DAB1: variants seen among roughly 807,000 people sequenced by gnomAD.
DAB1 encodes the protein DAB adaptor protein 1, also known as disabled homolog 1.
A neutral mutation model predicts 64.6 loss-of-function variants in DAB1; 15 were observed. The ratio of observed to expected loss-of-function variants is 0.23; its 90% CI spans 0.16 to 0.36. The LOEUF (loss-of-function observed/expected upper bound fraction) is 0.36. Among genes scored for constraint, DAB1 ranks in the 10% least tolerant of loss-of-function variants. The probability of loss-of-function intolerance (pLI) is 1.00; values close to 1 mark genes in which losing one functional copy is unlikely to be tolerated. For synonymous variants in DAB1, 235 were observed against 251.9 expected, an observed-to-expected ratio of 0.93 and a Z score of 0.64; for missense variants, 596 against 706.7, an observed-to-expected ratio of 0.84 and a Z score of 1.78.
At chr1:57,888,132 G>C (rs888145000), upstream of DAB1, among the ~76,000 whole-genome samples, 1 of 152,096 alleles carries the variant, frequency 6.6e-6, no homozygotes, top group African/African-American at 2.4e-5. Context: ...GATGATTAAT[G>C]CTAATTTGAA....
At chr1:58,515,979 T>C (rs1451036468) in intron 2 of DAB1, among the ~76,000 whole-genome samples, 1 of 152,232 alleles carries the variant, frequency 6.6e-6, no homozygotes, top group African/African-American at 2.4e-5. Flanking sequence ...GCTTATTACC[T>C]AATGCCCTCA....
chr1:57,476,985 C>T (rs1286049341), intron 7 of DAB1, among the ~76,000 whole-genome samples: 1 of 152,168 alleles, frequency 6.6e-6, no homozygotes, highest in Non-Finnish European at 1.5e-5. Flanking sequence ...GTAATAACAG[C>T]CCCAACCTGA....
chr1:57,355,288 C>A (rs1303584293), intron 1 of DAB1, among the ~76,000 whole-genome samples: 2 of 149,388 alleles, frequency 1.3e-5, no homozygotes, highest in Non-Finnish European at 3.0e-5. Context: ...TTTTTTTTTC[C>A]ATCCTTGGTT....
intron 2 of DAB1, among the ~76,000 whole-genome samples, chr1:58,514,773 AGC>A (rs1646134472): frequency 1.3e-5 from 2 of 152,190 alleles, no homozygotes; most frequent in Non-Finnish European, 2.9e-5. Context: ...TTATTTTAGA[AGC>A]AATACTGCAG....
chr1:57,508,545 A>G (rs1295634300), intron 7 of DAB1, among the ~76,000 whole-genome samples: 1 of 152,212 alleles, frequency 6.6e-6, no homozygotes, highest in Non-Finnish European at 1.5e-5. Context: ...CCAGATAAAT[A>G]TGTTAGGCTT....
intron 6 of DAB1, among the ~76,000 whole-genome samples, chr1:57,809,683 G>T (rs755428503): frequency 2.5e-4 from 38 of 152,072 alleles, no homozygotes; most frequent in Non-Finnish European, 4.7e-4. Flanking sequence ...AACACTATGA[G>T]TTGCAGATGG....
At chr1:57,797,649 C>T (rs563143533) in intron 6 of DAB1, among the ~76,000 whole-genome samples, 2 of 152,196 alleles carry the variant, frequency 1.3e-5, no homozygotes, top group Non-Finnish European at 2.9e-5. Context: ...ATTCCTTACA[C>T]GTATAAAAGA....
intron 2 of DAB1, among the ~76,000 whole-genome samples, chr1:57,148,130 C>T (rs895459576): frequency 6.6e-6 from 1 of 152,162 alleles, no homozygotes; most frequent in Non-Finnish European, 1.5e-5. Flanking sequence ...GAAAATGGAA[C>T]AGATTCCAGT....
At chr1:58,331,555 T>C (rs1662968029) in intron 4 of DAB1, among the ~76,000 whole-genome samples, 1 of 152,176 alleles carries the variant, frequency 6.6e-6, no homozygotes, top group African/African-American at 2.4e-5. Context: ...GCAAACTTCA[T>C]TGTTGTCTTG....
At chr1:57,940,181 G>C (rs946825647) in intron 5 of DAB1, among the ~76,000 whole-genome samples, 2 of 152,204 alleles carry the variant, frequency 1.3e-5, no homozygotes, top group African/African-American at 4.8e-5. Flanking sequence ...GTTTCAGTGA[G>C]GGATACAGGT....
chr1:57,487,925 T>C (rs562731375), intron 7 of DAB1, among the ~76,000 whole-genome samples: 3 of 152,334 alleles, frequency 2.0e-5, no homozygotes, highest in African/African-American at 7.2e-5. Flanking sequence ...ATTGAGACTG[T>C]TTCCTTTCCT....
intron 2 of DAB1, among the ~76,000 whole-genome samples, chr1:57,189,211 C>T (rs989521965): frequency 6.6e-6 from 1 of 152,164 alleles, no homozygotes; most frequent in Non-Finnish European, 1.5e-5. Flanking sequence ...GAGCTCCATC[C>T]AAGTGGTTTC....
intron 1 of DAB1, among the ~76,000 whole-genome samples, chr1:57,835,839 C>T (rs1328252711): frequency 6.6e-6 from 1 of 152,196 alleles, no homozygotes; most frequent in Admixed American, 6.5e-5. Flanking sequence ...TGAATGCAGC[C>T]AAGCTCCTGG....
chr1:57,226,883 A>T (rs1667308456), intron 2 of DAB1, among the ~76,000 whole-genome samples: 1 of 151,850 alleles, frequency 6.6e-6, no homozygotes, highest in African/African-American at 2.4e-5. Flanking sequence ...TCATTCTTTA[A>T]ATCCAATAAA....
chr1:58,105,176 A>G (rs1651558208), intron 5 of DAB1, among the ~76,000 whole-genome samples: 1 of 152,240 alleles, frequency 6.6e-6, no homozygotes, highest in African/African-American at 2.4e-5. Flanking sequence ...AAGAAGGCAG[A>G]GTCTAAAGGT....
At chr1:58,404,100 A>G (rs1419193123) in intron 3 of DAB1, among the ~76,000 whole-genome samples, 1 of 152,210 alleles carries the variant, frequency 6.6e-6, no homozygotes, top group African/African-American at 2.4e-5. Flanking sequence ...TGTTTAGTAT[A>G]AAGAACTTTT....
chr1:57,553,232 A>T (rs943577067), intron 7 of DAB1, among the ~76,000 whole-genome samples: 53 of 151,490 alleles, frequency 3.5e-4, no homozygotes, highest in Admixed American at 1.5e-3. Flanking sequence ...AGTGGGGGAA[A>T]AAATGGGTAT....
chr1:57,620,459 T>C (rs1188595739), intron 7 of DAB1, among the ~76,000 whole-genome samples: 1 of 152,204 alleles, frequency 6.6e-6, no homozygotes, highest in African/African-American at 2.4e-5. Flanking sequence ...ATTAAACAGA[T>C]GACTGACTGG....
At chr1:57,614,868 C>CTTTTTTTTTTTTT (rs34907824) in intron 7 of DAB1, among the ~76,000 whole-genome samples, 6 of 38,740 alleles carry the variant, frequency 1.5e-4, no homozygotes, top group African/African-American at 3.5e-4. Context: ...TTCTTTCTTT[C>CTTTTTTTTTTTTT]TTTTTTTTTT....
Sources: gnomAD v4.1 joint callset for allele counts (sites outside exome capture counted in the v4.1 genomes callset) on GRCh38, gnomAD v4.1.1 for gene constraint, MANE v1.5 for transcripts, NCBI Gene and HGNC (gene_info 2026-07-23, HGNC 2026-07-21) for gene names.